The following TMPRSS11F variants were observed in gnomAD, a reference collection of about 807,000 sequenced individuals.
The protein encoded by TMPRSS11F is transmembrane protease serine 11F.
Under a neutral mutation model 60.2 loss-of-function variants are expected in TMPRSS11F, and 47 were observed. The observed-to-expected ratio is 0.78, with a 90% confidence interval of 0.62 to 1.00. The LOEUF (loss-of-function observed/expected upper bound fraction) is 1.00, where lower values mean the gene tolerates loss of function less well. Ranked by LOEUF, TMPRSS11F falls within the 50% of genes least tolerant of loss-of-function variation. The pLI, the probability that TMPRSS11F is intolerant of heterozygous loss-of-function variation, is 0.00. For missense variants in TMPRSS11F, 519 were observed against 522.9 expected, an observed-to-expected ratio of 0.99 and a Z score of 0.07; for synonymous variants, 166 against 167.3, an observed-to-expected ratio of 0.99 and a Z score of 0.06.
At chr4:68,106,483 G>A (rs1364584752) in intron 1 of TMPRSS11F, among the ~76,000 whole-genome samples, 1 of 152,124 alleles carries the variant, frequency 6.6e-6, no homozygotes, top group Middle Eastern at 3.2e-3. Context: ...CTAATCAGAG[G>A]ATTGCAAAAA....
At chr4:68,065,025 G>A (rs1723296187) in intron 7 of TMPRSS11F, 81 bp from the exon 8 acceptor site, 7 of 1,370,790 alleles carry the variant, frequency 5.1e-6, no homozygotes, top group South Asian at 1.4e-5. Flanking sequence ...CTTCCCAACT[G>A]TCAGTATTAT....
intron 3 of TMPRSS11F, among the ~76,000 whole-genome samples, chr4:68,082,031 C>T (rs1027672352): frequency 1.9e-4 from 29 of 152,010 alleles, no homozygotes; most frequent in African/African-American, 2.7e-4. Context: ...ATTGAGTAAG[C>T]CAACATACAT....
chr4:68,089,095 C>A (rs1373491654), intron 3 of TMPRSS11F, among the ~76,000 whole-genome samples: 1 of 151,758 alleles, frequency 6.6e-6, no homozygotes, highest in Non-Finnish European at 1.5e-5. Flanking sequence ...GTCCAAATCA[C>A]CAAAGCAATC....
intron 1 of TMPRSS11F, among the ~76,000 whole-genome samples, chr4:68,122,534 C>G (rs1204437777): frequency 1.3e-5 from 2 of 152,072 alleles, no homozygotes; most frequent in East Asian, 1.9e-4. Context: ...ATAAATGAAA[C>G]AATAGTTTTC....
At position 68,068,678 on chromosome 4, in the gene TMPRSS11F, T is replaced by A; in HGVS notation, c.695A>T (p.Gln232Leu). 2.5e-6 allele frequency: 4 copies of A among 1,614,196 alleles called. No homozygotes were observed. Among genetic ancestry groups the A allele is most frequent in the Non-Finnish European group, 3.4e-6 (4 of 1,180,022 alleles). The change falls in exon 7 of 10, where the codon CAG becomes CTG. Residue 232 changes from glutamine to leucine, a missense_variant. Transcript: ENST00000356291. ...ASLQLIGSGH[Q>L]CGASLISNTW... is the part of the protein sequence containing the mutation. ...GTTACTGATGAGGCTGGCTCCACAC[T>A]GATGGCCTGACCCTATGAGCTGGAG... is the stretch of plus-strand genomic sequence containing the variant.
In TMPRSS11F at chr4:68,072,337, G is replaced by A. The variant is rs1202677441; in HGVS notation, c.500C>T (p.Ser167Leu). Reference sequence around the variant, plus strand: ...AAAAGACTTACGTGTGAGTCTAAATGATGGTTTGTTTATGGTCAAAGACAA... The same window carrying A: ...AAAAGACTTACGTGTGAGTCTAAATAATGGTTTGTTTATGGTCAAAGACAA... ...KQLSLTINKP[S>L]FRLTPIDSKK... The change falls in exon 5 of 10, where the codon TCA becomes TTA. Residue 167 changes from serine to leucine, a missense_variant. By Grantham distance (145) the Ser-to-Leu change is moderately radical. Transcript: ENST00000356291. 6.3e-7 allele frequency: 1 copy of A among 1,577,758 alleles called. No homozygotes were observed. Among genetic ancestry groups the A allele is most frequent in the Non-Finnish European group, 8.6e-7 (1 of 1,160,554 alleles).
At chr4:68,099,466 T>C (rs2109871916) in intron 1 of TMPRSS11F, among the ~76,000 whole-genome samples, 1 of 152,118 alleles carries the variant, frequency 6.6e-6, no homozygotes, top group Non-Finnish European at 1.5e-5. Context: ...CCCAGTGAAA[T>C]AAAAAAATGG....
intron 3 of TMPRSS11F, among the ~76,000 whole-genome samples, chr4:68,086,577 A>G (rs890639675): frequency 6.6e-6 from 1 of 152,120 alleles, no homozygotes; most frequent in East Asian, 1.9e-4. Context: ...AAAGATCAAC[A>G]AAACCAAATT....
chr4:68,119,186 T>C (rs1490918363), intron 1 of TMPRSS11F, among the ~76,000 whole-genome samples: 1 of 152,070 alleles, frequency 6.6e-6, no homozygotes, highest in Non-Finnish European at 1.5e-5. Flanking sequence ...GCCCTAACTC[T>C]CTTTAATTCT....
intron 1 of TMPRSS11F, 47 bp from the exon 2 acceptor site, chr4:68,099,085 T>C: frequency 6.6e-7 from 1 of 1,519,252 alleles, no homozygotes; most frequent in Non-Finnish European, 9.0e-7. Context: ...TCATTATAGT[T>C]CAACTTTATG....
intron 3 of TMPRSS11F, chr4:68,080,731 T>A (rs541614275): frequency 6.6e-6 from 1 of 152,160 alleles, no homozygotes; most frequent in Non-Finnish European, 1.5e-5. Flanking sequence ...TCCTTATGAA[T>A]TTTTTTCTGA....
chr4:68,114,721 GA>G lies in TMPRSS11F; in HGVS notation c.11+15088del, dbSNP rs1162312075. Among the ~76,000 whole-genome samples the G allele has an allele frequency of 6.2e-3, 874 of 141,460 alleles. 4 individuals carry two copies. Among genetic ancestry groups the G allele is most frequent in the African/African-American group, 0.015 (572 of 38,894 alleles). The allele number at this position is 141,460 out of a possible 152,430, so 92.8% of individuals were successfully genotyped here. ...AGTTAGAGTTTCCCAAAGGGAACTG[GA>G]AAAAAAAAAATCAGATGAAAGCCCC... On this transcript the variant is annotated intron_variant, in intron 1 of 9. Coordinates refer to ENST00000356291, the MANE Select transcript of TMPRSS11F (RefSeq NM_207407.2).
intron 3 of TMPRSS11F, among the ~76,000 whole-genome samples, chr4:68,074,855 G>C (rs1723551367): frequency 6.6e-6 from 1 of 152,160 alleles, no homozygotes; most frequent in South Asian, 2.1e-4. Context: ...CAAGCACTTT[G>C]GGAGGCCAAG....
intron 1 of TMPRSS11F, among the ~76,000 whole-genome samples, chr4:68,125,865 C>G (rs1165973937): frequency 6.6e-6 from 1 of 152,078 alleles, no homozygotes; most frequent in Admixed American, 6.6e-5. Flanking sequence ...GGAAGCTATG[C>G]CAGTATTTAA....
chr4:68,079,300 C>T (rs1723646556), intron 3 of TMPRSS11F, among the ~76,000 whole-genome samples: 1 of 151,974 alleles, frequency 6.6e-6, no homozygotes, highest in African/African-American at 2.4e-5. Flanking sequence ...CCAGGGAAGC[C>T]ATCTTTAGAT....
At chr4:68,082,504 C>A (rs896499093) in intron 3 of TMPRSS11F, among the ~76,000 whole-genome samples, 1 of 152,212 alleles carries the variant, frequency 6.6e-6, no homozygotes, top group African/African-American at 2.4e-5. Flanking sequence ...TTCTGTACAG[C>A]TGGCTGTCCA....
intron 1 of TMPRSS11F, among the ~76,000 whole-genome samples, chr4:68,113,437 C>T (rs957824854): frequency 6.6e-5 from 10 of 151,230 alleles, no homozygotes; most frequent in East Asian, 1.9e-4. Flanking sequence ...ATGCAATATC[C>T]GTGAAGTGCA....
rs759898199 is a variant in TMPRSS11F, at chr4:68,059,404, T to C, written c.1080A>G (p.Arg360=). The C allele has an allele frequency of 6.2e-7, 1 of 1,614,014 alleles. No individual in the cohort carries two copies. The highest frequency in any genetic ancestry group is 1.1e-5 in the South Asian group (1 of 91,068). Residue 360 remains arginine (R), a synonymous_variant, in exon 9 of 10, where the codon AGA becomes AGG. Coordinates refer to ENST00000356291, the MANE Select transcript of TMPRSS11F (RefSeq NM_207407.2). The part of the protein sequence containing the change: ...VETISTDVCN[R]KDVYDGLITP... ...TTATCAGGCCATCATACACATCCTT[T>C]CTGTTACACACATCAGTGCTTATGG...
intron 3 of TMPRSS11F, among the ~76,000 whole-genome samples, chr4:68,083,665 AAT>A (rs1465680939): frequency 4.6e-5 from 7 of 151,050 alleles, no homozygotes; most frequent in African/African-American, 1.7e-4. Flanking sequence ...AAATAATAAT[AAT>A]AAAAAAAGCC....
Sources: allele counts gnomAD v4.1 joint callset (sites outside exome capture counted in the v4.1 genomes callset), GRCh38; gene constraint gnomAD v4.1.1; transcripts MANE v1.5; gene names NCBI Gene and HGNC (gene_info 2026-07-23, HGNC 2026-07-21).